NDUFA13: variants seen among roughly 807,000 people sequenced by gnomAD.
NDUFA13 encodes the protein NADH dehydrogenase [ubiquinone] 1 alpha subcomplex subunit 13.
In NDUFA13, 16 loss-of-function variants were observed where a neutral mutation model predicts 17.0. The ratio of observed to expected loss-of-function variants is 0.94; its 90% CI spans 0.64 to 1.43. The LOEUF (loss-of-function observed/expected upper bound fraction) is 1.43. Among genes scored for constraint, NDUFA13 ranks in the 40% most tolerant of loss-of-function variants. The pLI is 0.00. For synonymous variants in NDUFA13, 87 were observed against 78.4 expected (o/e 1.11, Z -0.58); for missense variants, 228 against 206.7 (o/e 1.10, Z -0.63).
At chr19:19,527,143 C>T in intron 2 of NDUFA13, 138 bp from the exon 3 acceptor site, 5 of 945,998 alleles carry the variant, frequency 5.3e-6, no homozygotes, top group South Asian at 4.2e-5. Flanking sequence ...TCCCGCGACC[C>T]TCGCCCTGCC....
chr19:19,519,091 A>G (rs1370389908), intron 1 of NDUFA13, among the ~76,000 whole-genome samples: 4 of 129,490 alleles, frequency 3.1e-5, no homozygotes, highest in Admixed American at 1.8e-4. Flanking sequence ...GGGTTTCACC[A>G]TGTAGGCCAG....
chr19:19,526,014 G>A, intron 1 of NDUFA13, 168 bp from the exon 2 acceptor site: 2 of 1,498,200 alleles, frequency 1.3e-6, no homozygotes, highest in Non-Finnish European at 1.8e-6. Context: ...TGCCTGGCTT[G>A]TACCTTTCAG....
chr19:19,527,350 G>C lies in NDUFA13; in HGVS notation c.243G>C (p.Arg81=). 6.2e-7 allele frequency: 1 copy of C among 1,613,822 alleles called. No homozygotes were observed. The highest frequency in any genetic ancestry group is 8.5e-7 in the Non-Finnish European group (1 of 1,180,022). The part of the protein sequence containing the change: ...LLPLLQAETD[R]RTLQMLRENL... ...CACTGTTACAGGCAGAAACCGACCG[G>C]AGGTAGCACCGCAGGGGCCAAGGTT... Residue 81 remains arginine, a splice_region_variant and synonymous_variant, in exon 3 of 5, where the codon CGG becomes CGC. Transcript: ENST00000507754.
rs766721001 is a variant in NDUFA13, at chr19:19,516,368, G to C, written c.94+36G>C. On this transcript the variant is annotated intron_variant, in intron 1 of 4. Transcript: ENST00000507754. Reference sequence around the variant, plus strand: ...CTCTGCGCCGGGGTCTCAGAGTCTGGGCACTCGGGGCTCGGGGGCGGGGTT... The same window carrying C: ...CTCTGCGCCGGGGTCTCAGAGTCTGCGCACTCGGGGCTCGGGGGCGGGGTT... The C allele has an allele frequency of 3.1e-6, 5 of 1,608,848 alleles. No individual in the cohort carries two copies. The East Asian group carries it at 1.1e-4, about 36-fold the overall frequency.
Position 19,527,302 on chromosome 19 carries a change from C to A in NDUFA13, c.195C>A (p.Phe65Leu). Residue 65 changes from phenylalanine to leucine, a missense_variant, in exon 3 of 5, where the codon TTC becomes TTA. Coordinates refer to ENST00000507754, the MANE Select transcript of NDUFA13 (RefSeq NM_015965.7). ...RERRRLQIED[F>L]EARIALLPLL... ...ACAGGCGCCTACAAATCGAGGACTTCGAGGCTCGCATCGCGCTGTTGCCAC... is the reference window on the plus strand; with the variant it reads ...ACAGGCGCCTACAAATCGAGGACTTAGAGGCTCGCATCGCGCTGTTGCCAC... 6.2e-7 allele frequency: 1 copy of A among 1,613,940 alleles called. No homozygotes were observed.
chr19:19,527,475 T>A, intron 3 of NDUFA13, 123 bp downstream of exon 3: 19 of 1,262,890 alleles, frequency 1.5e-5, no homozygotes, highest in Non-Finnish European at 2.0e-5. Context: ...TGCCGTCAGC[T>A]GCATCCTCAG....
intron 1 of NDUFA13, among the ~76,000 whole-genome samples, chr19:19,516,621 A>T (rs763410942): frequency 6.6e-6 from 1 of 152,030 alleles, no homozygotes; most frequent in Non-Finnish European, 1.5e-5. Context: ...CCACCCTTGG[A>T]TTTCTAAGAT....
intron 1 of NDUFA13, among the ~76,000 whole-genome samples, chr19:19,520,678 TTAGTATATTC>T (rs2061072812): frequency 6.6e-6 from 1 of 152,186 alleles, no homozygotes; most frequent in Non-Finnish European, 1.5e-5. Context: ...TATTGATTTT[TTAGTATATTC>T]ACAAAGTTGT....
chr19:19,526,115 C>A, intron 1 of NDUFA13, 67 bp from the exon 2 acceptor site: 1 of 1,588,296 alleles, frequency 6.3e-7, no homozygotes. Flanking sequence ...GAGTGGGCAG[C>A]GCCTGGAGCT....
intron 1 of NDUFA13, among the ~76,000 whole-genome samples, chr19:19,519,383 G>A (rs2061065810): frequency 6.6e-6 from 1 of 152,090 alleles, no homozygotes; most frequent in African/African-American, 2.4e-5. Flanking sequence ...TCCTCTCCCA[G>A]TTCACCACAG....
chr19:19,524,709 G>A (rs2061092852), intron 1 of NDUFA13, among the ~76,000 whole-genome samples: 1 of 152,116 alleles, frequency 6.6e-6, no homozygotes, highest in African/African-American at 2.4e-5. Flanking sequence ...CGGAGGCTGA[G>A]GTGGAAGAAT....
chr19:19,522,509 T>C (rs2061082650), intron 1 of NDUFA13, among the ~76,000 whole-genome samples: 1 of 120,582 alleles, frequency 8.3e-6, no homozygotes, highest in Admixed American at 8.8e-5. Flanking sequence ...GATGGAGCCT[T>C]GCTCTGTCAC....
At chr19:19,518,888 A>C (rs2061063260) in intron 1 of NDUFA13, among the ~76,000 whole-genome samples, 1 of 151,358 alleles carries the variant, frequency 6.6e-6, no homozygotes, top group African/African-American at 2.4e-5. Flanking sequence ...GATTACAGGC[A>C]TGTGCCACCA....
chr19:19,525,969 A>G, intron 1 of NDUFA13: 1 of 1,409,010 alleles, frequency 7.1e-7, no homozygotes, highest in Non-Finnish European at 9.3e-7. Context: ...CCCCCTAGCA[A>G]CCACCATCTA....
intron 1 of NDUFA13, among the ~76,000 whole-genome samples, chr19:19,518,590 G>T (rs1349555279): frequency 6.7e-6 from 1 of 150,026 alleles, no homozygotes; most frequent in Non-Finnish European, 1.5e-5. Flanking sequence ...TTTAGACCAG[G>T]TCTTGCTCTG....
At chr19:19,525,701 G>A (rs2061096470) in intron 1 of NDUFA13, among the ~76,000 whole-genome samples, 1 of 152,124 alleles carries the variant, frequency 6.6e-6, no homozygotes, top group African/African-American at 2.4e-5. Context: ...TCCTTCCTGG[G>A]GTGCAGGGCA....
intron 1 of NDUFA13, among the ~76,000 whole-genome samples, chr19:19,518,729 ATTTTTTTTTTTTT>A (rs566386690): frequency 8.8e-5 from 3 of 34,128 alleles, no homozygotes; most frequent in South Asian, 1.7e-3. Context: ...ATGCCCTGCG[ATTTTTTTTTTTTT>A]TTTTTTTTTT....
intron 2 of NDUFA13, among the ~76,000 whole-genome samples, chr19:19,526,991 CAG>C (rs1002839111): frequency 7.9e-5 from 12 of 152,228 alleles, no homozygotes; most frequent in African/African-American, 2.7e-4. Flanking sequence ...GATCATCAGG[CAG>C]AGTTATTTTT....
At chr19:19,527,934 A>G (rs45631651) in intron 4 of NDUFA13, 73 bp from the exon 5 acceptor site, 250,405 of 1,574,700 alleles carry the variant, frequency 0.16, 20,922 homozygotes, top group Middle Eastern at 0.24. Context: ...GGGGCCACTG[A>G]TCCTGGGGGA....
Sources: allele counts gnomAD v4.1 joint callset (sites outside exome capture counted in the v4.1 genomes callset), GRCh38; gene constraint gnomAD v4.1.1; transcripts MANE v1.5; gene names NCBI Gene and HGNC (gene_info 2026-07-23, HGNC 2026-07-21).